The following RORA variants were observed in gnomAD, a reference collection of about 807,000 sequenced individuals.
RORA encodes the protein nuclear receptor ROR-alpha.
Under a neutral mutation model 69.5 loss-of-function variants are expected in RORA, and 7 were observed. The observed-to-expected ratio is 0.10, with a 90% CI of 0.06 to 0.19. The LOEUF is 0.19. RORA is among the 10% of genes least tolerant of loss of function. The pLI is 1.00. For missense variants in RORA, 457 were observed against 663.0 expected (o/e 0.69, Z 3.41); for synonymous variants, 261 against 240.8 (o/e 1.08, Z -0.78).
chr15:60,573,546 G>A (rs1213027162), intron 2 of RORA, among the ~76,000 whole-genome samples: 2 of 152,058 alleles, frequency 1.3e-5, no homozygotes, highest in East Asian at 1.9e-4. Context: ...GTGGCCTCCC[G>A]GCACCTTCAG....
intron 1 of RORA, among the ~76,000 whole-genome samples, chr15:60,887,724 T>C (rs16943284): frequency 0.12 from 18,291 of 152,094 alleles, 1,568 homozygotes; most frequent in African/African-American, 0.23. Flanking sequence ...GCATGAAAGG[T>C]TGGTTGTTTC....
At chr15:60,913,537 T>C (rs1891789470) in intron 1 of RORA, among the ~76,000 whole-genome samples, 2 of 152,228 alleles carry the variant, frequency 1.3e-5, no homozygotes, top group South Asian at 4.1e-4. Context: ...CTGTCCTTTA[T>C]CTCAGGGCAC....
intron 2 of RORA, among the ~76,000 whole-genome samples, chr15:60,578,718 A>G (rs1460680224): frequency 6.6e-6 from 1 of 152,132 alleles, no homozygotes; most frequent in Non-Finnish European, 1.5e-5. Context: ...AAAATTTAAT[A>G]AAGTTAATAA....
chr15:60,516,189 ATATATATT>A (rs2065934598), intron 3 of RORA, among the ~76,000 whole-genome samples: 13 of 16,950 alleles, frequency 7.7e-4, no homozygotes, highest in African/African-American at 1.2e-3. Flanking sequence ...ATATATTTAT[ATATATATT>A]TATATATATA....
chr15:60,505,025 T>C (rs1360166561), intron 6 of RORA, among the ~76,000 whole-genome samples: 1 of 152,210 alleles, frequency 6.6e-6, no homozygotes, highest in Non-Finnish European at 1.5e-5. Context: ...AGGGTACTAT[T>C]TGTCAGCCTC....
At chr15:61,210,310 C>T (rs1390172995) in intron 1 of RORA, among the ~76,000 whole-genome samples, 1 of 152,126 alleles carries the variant, frequency 6.6e-6, no homozygotes, top group African/African-American at 2.4e-5. Context: ...AGTACTGTTT[C>T]CTATTCCATC....
At chr15:61,155,324 C>T in intron 1 of RORA, among the ~76,000 whole-genome samples, 1 of 152,052 alleles carries the variant, frequency 6.6e-6, no homozygotes, top group African/African-American at 2.4e-5. Context: ...CAAATAAATA[C>T]TAAATAAATA....
At chr15:61,082,184 C>T (rs185836293) in intron 1 of RORA, among the ~76,000 whole-genome samples, 68 of 152,198 alleles carry the variant, frequency 4.5e-4, no homozygotes, top group African/African-American at 1.6e-3. Flanking sequence ...GTCAACCAAA[C>T]GCAGATCAAA....
chr15:60,516,223 TTATATATATATTTATATATA>T (rs2065946400), intron 3 of RORA, among the ~76,000 whole-genome samples: 1 of 11,834 alleles, frequency 8.5e-5, no homozygotes, highest in East Asian at 4.7e-3. Flanking sequence ...ATATATATAT[TTATATATATATTTATATATA>T]TATATTTATA....
At chr15:60,829,973 C>T (rs2073020617) in intron 1 of RORA, among the ~76,000 whole-genome samples, 1 of 152,160 alleles carries the variant, frequency 6.6e-6, no homozygotes, top group Non-Finnish European at 1.5e-5. Context: ...CAACAAATAG[C>T]TCTGAGTAAT....
chr15:61,213,334 G>A lies in RORA; in HGVS notation c.166+15719C>T, dbSNP rs1253081912. Reference sequence around the variant, plus strand: ...GAATTATTACAGAATCTCCTAACTTGGTTCCTTGTCTCCCTCCCTAACTCC... The same window carrying A: ...GAATTATTACAGAATCTCCTAACTTAGTTCCTTGTCTCCCTCCCTAACTCC... On this transcript the variant is annotated intron_variant, in intron 1 of 10. Coordinates refer to ENST00000335670, the MANE Select transcript of RORA (RefSeq NM_134261.3). The surrounding 1 kb of genome is among the most constrained non-coding windows in gnomAD (Gnocchi z 4.1). 6.6e-6 allele frequency among the ~76,000 whole-genome samples: 1 copy of A among 152,070 alleles called. No homozygotes were observed. Among genetic ancestry groups the A allele is most frequent in the Admixed American group, 6.6e-5 (1 of 15,260 alleles).
intron 1 of RORA, among the ~76,000 whole-genome samples, chr15:60,992,079 T>C (rs185070149): frequency 3.9e-5 from 6 of 152,222 alleles, no homozygotes; most frequent in East Asian, 3.9e-4. Flanking sequence ...AAAAGATCCA[T>C]ATGAAAATGT....
chr15:60,793,918 C>T (rs2072453280), intron 1 of RORA, among the ~76,000 whole-genome samples: 2 of 152,138 alleles, frequency 1.3e-5, no homozygotes, highest in Non-Finnish European at 2.9e-5. Flanking sequence ...TGTGATTCTG[C>T]CGGATTAAGC....
At chr15:61,019,931 C>T (rs1895446599) in intron 1 of RORA, among the ~76,000 whole-genome samples, 1 of 152,206 alleles carries the variant, frequency 6.6e-6, no homozygotes, top group African/African-American at 2.4e-5. Flanking sequence ...CCGACACCAA[C>T]TTCCCGTCCT....
rs538838652 is a variant in RORA, at chr15:61,003,071, G to C, written c.166+225982C>G. 1.1e-4 allele frequency among the ~76,000 whole-genome samples: 16 copies of C among 150,942 alleles called. No homozygotes were observed. The South Asian group carries it at 2.1e-3, about 20-fold the overall frequency. On this transcript the variant is annotated intron_variant, in intron 1 of 10. Coordinates refer to ENST00000335670, the MANE Select transcript of RORA (RefSeq NM_134261.3). ...AGGCAGGAGAATGGTGTGAACCTGGGAGGCGGAAGTTGCAGTGAGCCGAGA... is the reference window on the plus strand; with the variant it reads ...AGGCAGGAGAATGGTGTGAACCTGGCAGGCGGAAGTTGCAGTGAGCCGAGA...
chr15:60,635,403 TA>T (rs1250879693), intron 2 of RORA, among the ~76,000 whole-genome samples: 3 of 152,156 alleles, frequency 2.0e-5, no homozygotes, highest in African/African-American at 7.2e-5. Context: ...AATTTGATTT[TA>T]AAAGCTGGAG....
chr15:60,984,818 C>A (rs1217170057), intron 1 of RORA, among the ~76,000 whole-genome samples: 1 of 93,620 alleles, frequency 1.1e-5, no homozygotes, highest in African/African-American at 4.7e-5. Flanking sequence ...TTTTTTTTTC[C>A]TGTTTCATTC....
chr15:60,956,437 C>T (rs1227035926), intron 1 of RORA, among the ~76,000 whole-genome samples: 1 of 152,130 alleles, frequency 6.6e-6, no homozygotes, highest in Non-Finnish European at 1.5e-5. Context: ...CAGAGCAAGA[C>T]CTGCTAGAAA....
chr15:60,743,354 G>A (rs543317803), intron 1 of RORA, among the ~76,000 whole-genome samples: 16 of 152,258 alleles, frequency 1.1e-4, no homozygotes, highest in African/African-American at 3.9e-4. Context: ...GTTCTATGAT[G>A]CTGGCAAAAA....
Sources: gnomAD v4.1 joint callset for allele counts (sites outside exome capture counted in the v4.1 genomes callset) on GRCh38, gnomAD v4.1.1 for gene constraint, Gnocchi (gnomAD v3.1) non-coding constraint, MANE v1.5 for transcripts, NCBI Gene and HGNC (gene_info 2026-07-23, HGNC 2026-07-21) for gene names.